The following EBPL variants were observed in gnomAD, a reference collection of about 807,000 sequenced individuals.
EBPL encodes EBP like, also known as emopamil-binding protein-like.
Under a neutral mutation model 19.0 loss-of-function variants are expected in EBPL, and 20 were observed. That is an observed-to-expected ratio of 1.05 (90% CI 0.74 to 1.53). The LOEUF is 1.53. Ranked by LOEUF, EBPL falls within the 40% of genes most tolerant of loss-of-function variation. The pLI is 0.00. For synonymous variants in EBPL, 107 were observed against 117.0 expected (o/e 0.91, Z 0.55); for missense variants, 219 against 261.1 (o/e 0.84, Z 1.11).
At chr13:49,663,268 T>C (rs1310961645) in intron 2 of EBPL, 73 bp from the exon 3 acceptor site, 2 of 1,567,712 alleles carry the variant, frequency 1.3e-6, no homozygotes, top group African/African-American at 2.7e-5. Context: ...GACCTTTCTT[T>C]CCTTTAAGGT....
At chr13:49,685,408 A>C (rs758598783) in intron 1 of EBPL, among the ~76,000 whole-genome samples, 6 of 152,236 alleles carry the variant, frequency 3.9e-5, no homozygotes, top group Admixed American at 6.5e-5. Context: ...AAAGCGTAAT[A>C]AAGTGTGGGT....
rs768864195 is a variant in EBPL, at chr13:49,661,122, T to C, written c.467A>G (p.Asn156Ser). 51 of 1,613,602 alleles carry C rather than the reference T, an allele frequency of 3.2e-5. No individual in the cohort carries two copies. The highest frequency in any genetic ancestry group is 4.5e-5 in the East Asian group (2 of 44,876). Residue 156 changes from asparagine (N) to serine (S), a missense_variant, in exon 4 of 4, where the codon AAC becomes AGC. Physicochemically the swap from Asn to Ser is conservative, Grantham distance 46. Coordinates refer to ENST00000242827, the MANE Select transcript of EBPL (RefSeq NM_032565.5). The part of the protein sequence containing the change: ...FLPEWLTRSP[N>S]LNTSNWLYCW... ...GTACAGCCAGTTGCTGGTGTTGAGGTTGGGGCTTCTGGTGAGCCACTCTGG... is the reference window on the plus strand; with the variant it reads ...GTACAGCCAGTTGCTGGTGTTGAGGCTGGGGCTTCTGGTGAGCCACTCTGG...
At chr13:49,673,540 G>C (rs551602890) in intron 1 of EBPL, among the ~76,000 whole-genome samples, 1 of 152,088 alleles carries the variant, frequency 6.6e-6, no homozygotes, top group Non-Finnish European at 1.5e-5. Flanking sequence ...CATGTTAAGG[G>C]ATTCTCTTGC....
At position 49,660,936 on chromosome 13, in the gene EBPL, A is replaced by C. The variant is rs781699048; in HGVS notation, c.*32T>G. 6.5e-7 allele frequency: 1 copy of C among 1,546,340 alleles called. No homozygotes were observed. Among genetic ancestry groups the C allele is most frequent in the Non-Finnish European group, 8.9e-7 (1 of 1,127,882 alleles). On this transcript the variant is annotated 3_prime_UTR_variant, in exon 4 of 4. Transcript: ENST00000242827. ...AGATTTGATTCATTCTGGTTCATGA[A>C]GTTAGATAATGGTGTTTATGGTTTT...
At chr13:49,662,918 G>T in intron 3 of EBPL, 139 bp downstream of exon 3, 4 of 1,139,720 alleles carry the variant, frequency 3.5e-6, no homozygotes, top group Middle Eastern at 3.0e-4. Flanking sequence ...TTACAGGTGG[G>T]AGCCACCGCG....
intron 1 of EBPL, among the ~76,000 whole-genome samples, chr13:49,675,352 T>C (rs1006494729): frequency 1.3e-5 from 2 of 152,212 alleles, no homozygotes; most frequent in South Asian, 2.1e-4. Flanking sequence ...CTCTAGACAA[T>C]AGGAATTTTT....
intron 3 of EBPL, among the ~76,000 whole-genome samples, chr13:49,662,708 C>T (rs1965167971): frequency 6.6e-6 from 1 of 151,906 alleles, no homozygotes; most frequent in Non-Finnish European, 1.5e-5. Flanking sequence ...TCATGGCTTA[C>T]TGCAGCCTTG....
At chr13:49,671,307 TTTG>T (rs1953813454) in intron 1 of EBPL, among the ~76,000 whole-genome samples, 1 of 152,114 alleles carries the variant, frequency 6.6e-6, no homozygotes, top group African/African-American at 2.4e-5. Context: ...TCAGCTAATT[TTTG>T]TTATTTTTAG....
chr13:49,665,273 G>A (rs1180016525), intron 2 of EBPL, among the ~76,000 whole-genome samples: 1 of 151,970 alleles, frequency 6.6e-6, no homozygotes. Flanking sequence ...ACCACACTCA[G>A]CTAATACTGA....
chr13:49,666,057 C>T (rs1230856668), intron 2 of EBPL, among the ~76,000 whole-genome samples: 8 of 152,154 alleles, frequency 5.3e-5, no homozygotes, highest in Middle Eastern at 3.4e-3. Flanking sequence ...CACTGTGGCC[C>T]GGGAAAGGAG....
At chr13:49,667,395 C>T (rs1965244205) in intron 2 of EBPL, among the ~76,000 whole-genome samples, 1 of 152,120 alleles carries the variant, frequency 6.6e-6, no homozygotes, top group South Asian at 2.1e-4. Flanking sequence ...TGTCCTCAAC[C>T]AGACAGTGGA....
chr13:49,682,725 G>C (rs1282152467), intron 1 of EBPL, among the ~76,000 whole-genome samples: 1 of 152,134 alleles, frequency 6.6e-6, no homozygotes, highest in Non-Finnish European at 1.5e-5. Context: ...ATACTTCACA[G>C]GTAAGAAAAC....
intron 3 of EBPL, among the ~76,000 whole-genome samples, chr13:49,662,161 C>T (rs1362113899): frequency 6.6e-6 from 1 of 152,092 alleles, no homozygotes; most frequent in African/African-American, 2.4e-5. Flanking sequence ...GCCTGGCTAG[C>T]TAATTTTTGT....
At chr13:49,669,080 CGT>C (rs1471826526) in intron 2 of EBPL, among the ~76,000 whole-genome samples, 10 of 152,162 alleles carry the variant, frequency 6.6e-5, no homozygotes, top group Non-Finnish European at 1.2e-4. Flanking sequence ...AGGATTTCAC[CGT>C]GTTAGCCAGG....
rs1295820338 is a variant in EBPL, at chr13:49,663,781, C to CA, written c.242-587dup. On this transcript the variant is annotated intron_variant, in intron 2 of 3. Coordinates refer to ENST00000242827, the MANE Select transcript of EBPL (RefSeq NM_032565.5). ...TGAAACCCTGTCTCTACTAAAAATACAAAAAATTAGCCAGGCATGGTGGCG... is the reference window on the plus strand; with the variant it reads ...TGAAACCCTGTCTCTACTAAAAATACAAAAAAATTAGCCAGGCATGGTGGCG... 2.6e-5 allele frequency among the ~76,000 whole-genome samples: 4 copies of CA among 151,338 alleles called. No homozygotes were observed. The South Asian group carries it at 8.4e-4, about 32-fold the overall frequency.
Position 49,669,760 on chromosome 13 carries a change from C to A in EBPL, c.241+17G>T, listed in dbSNP as rs772536540. On this transcript the variant is annotated intron_variant, in intron 2 of 3. Transcript: ENST00000242827. ...CCTCCTCCAACATTTCAAACGCAAA[C>A]GTTTTTAATTACTTACATAAAGAAG... 1 of 1,611,970 alleles carries A rather than the reference C, an allele frequency of 6.2e-7. No homozygotes were observed. The highest frequency in any genetic ancestry group is 8.5e-7 in the Non-Finnish European group (1 of 1,178,188).
At chr13:49,685,849 G>A (rs1389316964) in intron 1 of EBPL, among the ~76,000 whole-genome samples, 3 of 151,544 alleles carry the variant, frequency 2.0e-5, no homozygotes, top group African/African-American at 7.3e-5. Context: ...CTCCAGCCTG[G>A]GCGAGAGAGA....
chr13:49,688,714 G>A (rs546266747), intron 1 of EBPL, among the ~76,000 whole-genome samples: 287 of 102,064 alleles, frequency 2.8e-3, no homozygotes, highest in Non-Finnish European at 3.6e-3. Context: ...GCGAGACTCC[G>A]TCTCAAAAAA....
chr13:49,661,320 G>A (rs1028996626), intron 3 of EBPL, 112 bp from the exon 4 acceptor site: 142 of 867,882 alleles, frequency 1.6e-4, no homozygotes, highest in Middle Eastern at 2.3e-4. Flanking sequence ...TATGAAAACC[G>A]TCCTAAGTTG....
Sources: gnomAD v4.1 joint callset for allele counts (sites outside exome capture counted in the v4.1 genomes callset) on GRCh38, gnomAD v4.1.1 for gene constraint, MANE v1.5 for transcripts, NCBI Gene and HGNC (gene_info 2026-07-23, HGNC 2026-07-21) for gene names.